The following MAPK6 variants were observed in gnomAD, a reference collection of about 807,000 sequenced individuals.
MAPK6 encodes mitogen-activated protein kinase 6.
MAPK6 carries 19 observed loss-of-function variants against 59.3 expected under a neutral mutation model. The ratio of observed to expected loss-of-function variants is 0.32; its 90% CI spans 0.22 to 0.47. The LOEUF (loss-of-function observed/expected upper bound fraction) is 0.47. MAPK6 is among the 20% of genes least tolerant of loss of function. The pLI, the probability that MAPK6 is intolerant of heterozygous loss-of-function variation, is 1.00. For missense variants in MAPK6, 724 were observed against 847.9 expected (o/e 0.85, Z 1.81); for synonymous variants, 316 against 290.3 (o/e 1.09, Z -0.90).
At chr15:52,016,063 C>T (rs1323672249), upstream of MAPK6, among the ~76,000 whole-genome samples, 17 of 81,278 alleles carry the variant, frequency 2.1e-4, no homozygotes, top group East Asian at 1.1e-3. Flanking sequence ...CGCGCGCGCG[C>T]GCGCGCGCAC....
chr15:52,005,537 A>C (rs2057255873), intron 3 of MAPK6, among the ~76,000 whole-genome samples: 1 of 152,046 alleles, frequency 6.6e-6, no homozygotes, highest in Non-Finnish European at 1.5e-5. Context: ...CAAAAAAAAA[A>C]AAGAGAGAGA....
chr15:51,973,255 A>C (rs1025502645), intron 1 of MAPK6, among the ~76,000 whole-genome samples: 9 of 151,912 alleles, frequency 5.9e-5, no homozygotes, highest in Non-Finnish European at 8.8e-5. Flanking sequence ...TAACCTGAAA[A>C]CTATCTGGAA....
intron 1 of MAPK6, among the ~76,000 whole-genome samples, chr15:51,976,909 C>T (rs1214847368): frequency 6.6e-6 from 1 of 151,644 alleles, no homozygotes; most frequent in Non-Finnish European, 1.5e-5. Context: ...AGCCACTGCT[C>T]TCCAGCCTGG....
intron 1 of MAPK6, among the ~76,000 whole-genome samples, chr15:52,036,572 TCAC>T (rs924746634): frequency 6.6e-6 from 1 of 152,160 alleles, no homozygotes; most frequent in African/African-American, 2.4e-5. Context: ...TGATTAATAA[TCAC>T]CACTTATTAG....
In MAPK6 at chr15:52,046,378, A is replaced by T. The variant is rs2031592970; in HGVS notation, c.-83A>T. The T allele has an allele frequency of 2.9e-6, 3 of 1,036,436 alleles. No homozygotes were observed. Among genetic ancestry groups the T allele is most frequent in the African/African-American group, 3.2e-5 (2 of 62,338 alleles). 64.2% of individuals were successfully genotyped at this position (1,036,436 alleles called of 1,614,324 possible). A position where few individuals can be genotyped will look rare whatever the true frequency, so the allele number is the denominator to read the frequency against. Reference sequence around the variant, plus strand: ...ATTATTTTTCTTCTCCCTTTTTGAAAGATCTTTCCTTTTGATGCCAGTTTT... The same window carrying T: ...ATTATTTTTCTTCTCCCTTTTTGAATGATCTTTCCTTTTGATGCCAGTTTT... On this transcript the variant is annotated 5_prime_UTR_variant, in exon 2 of 6. It adds an upstream start codon to the 5' untranslated region. Transcript: ENST00000261845.
intron 4 of MAPK6, among the ~76,000 whole-genome samples, chr15:52,061,074 G>A (rs28718531): frequency 0.32 from 48,858 of 152,050 alleles, 9,600 homozygotes; most frequent in Non-Finnish European, 0.44. Context: ...TGTAAATCAG[G>A]TAAGTTTTAT....
rs747529399 is a variant in MAPK6 at position 52,064,455 on chromosome 15, C to G, written c.1621C>G (p.His541Asp). The G allele has an allele frequency of 5.0e-6, 8 of 1,610,288 alleles. No homozygotes were observed. The highest frequency in any genetic ancestry group is 1.3e-5 in the African/African-American group (1 of 74,912). ...AGGAACTATTCAGCTTAGTTCCCAGCATGAGCCTACTGATGTTGTTGATAA... is the reference window on the plus strand; with the variant it reads ...AGGAACTATTCAGCTTAGTTCCCAGGATGAGCCTACTGATGTTGTTGATAA... ...IAGTIQLSSQ[H>D]EPTDVVDKLN... Residue 541 changes from histidine (H) to aspartate (D), a missense_variant, in exon 6 of 6, where the codon CAT becomes GAT. Transcript: ENST00000261845.
At chr15:52,049,212 T>A (rs2031697549) in intron 2 of MAPK6, among the ~76,000 whole-genome samples, 1 of 152,158 alleles carries the variant, frequency 6.6e-6, no homozygotes, top group South Asian at 2.1e-4. Context: ...AGGTAGACAT[T>A]GGTTTATAAG....
In MAPK6 at chr15:52,027,349, CAAAAAAA is replaced by C. The variant is rs71130120; in HGVS notation, c.-632+7986_-632+7992del. Reference sequence around the variant, plus strand: ...TGGGTGACAGAGCGAGACTCCCTCTCAAAAAAAAAAAAAAAAAAAGAAAATGCCTGTC... The same window carrying C: ...TGGGTGACAGAGCGAGACTCCCTCTCAAAAAAAAAAAAGAAAATGCCTGTC... On this transcript the variant is annotated intron_variant, in intron 1 of 5. Transcript: ENST00000261845. Among the ~76,000 whole-genome samples, 43 of 49,196 alleles carry C rather than the reference CAAAAAAA, an allele frequency of 8.7e-4. 6 individuals are homozygous for C. In the South Asian group the frequency reaches 9.6e-3, roughly 11 times the overall value. 32.3% of individuals were successfully genotyped at this position (49,196 alleles called of 152,430 possible). A position where few individuals can be genotyped will look rare whatever the true frequency, so the allele number is the denominator to read the frequency against.
chr15:52,016,015 C>T (rs1323468428), upstream of MAPK6, among the ~76,000 whole-genome samples: 5 of 147,946 alleles, frequency 3.4e-5, no homozygotes, highest in African/African-American at 1.2e-4. Context: ...GAGATCCTGC[C>T]ACTGCACTCC....
chr15:52,007,646 T>G (rs2029936668), intron 3 of MAPK6, among the ~76,000 whole-genome samples: 1 of 151,132 alleles, frequency 6.6e-6, no homozygotes, highest in Non-Finnish European at 1.5e-5. Flanking sequence ...AAGGCTGTAG[T>G]GAGCTGTGTT....
At chr15:52,050,867 TAATAATAAACATATTTATGACTA>T (rs2031755874) in intron 3 of MAPK6, among the ~76,000 whole-genome samples, 1 of 151,486 alleles carries the variant, frequency 6.6e-6, no homozygotes, top group African/African-American at 2.4e-5. Flanking sequence ...AGTTGTCAAA[TAATAATAAACATATTTATGACTA>T]GTTAAGATGG....
At chr15:52,042,866 A>T (rs1161932371) in intron 1 of MAPK6, 1 of 152,244 alleles carries the variant, frequency 6.6e-6, no homozygotes, top group Non-Finnish European at 1.5e-5. Context: ...TTTCAGGTAG[A>T]GACTAGAGAT....
intron 1 of MAPK6, among the ~76,000 whole-genome samples, chr15:52,038,561 G>T (rs2031317971): frequency 6.6e-6 from 1 of 152,198 alleles, no homozygotes; most frequent in Admixed American, 6.5e-5. Context: ...GCAAGACTTA[G>T]ATTTTTGGGG....
At chr15:52,058,060 CAG>C (rs1433750627) in intron 3 of MAPK6, among the ~76,000 whole-genome samples, 1 of 152,152 alleles carries the variant, frequency 6.6e-6, no homozygotes, top group African/African-American at 2.4e-5. Context: ...GTTTTTGAGA[CAG>C]GGTCTCACTC....
intron 3 of MAPK6, among the ~76,000 whole-genome samples, chr15:52,051,089 G>A (rs536476283): frequency 2.0e-5 from 3 of 151,346 alleles, no homozygotes; most frequent in African/African-American, 7.3e-5. Flanking sequence ...ACGGAGTCTT[G>A]CTCTGTCACC....
intron 3 of MAPK6, chr15:52,011,423 A>T (rs992824073): frequency 6.6e-6 from 1 of 152,378 alleles, no homozygotes; most frequent in Middle Eastern, 3.4e-3. Context: ...TCTATTGCTG[A>T]AGTGCTGTAT....
chr15:51,978,204 C>T (rs1158485924), intron 1 of MAPK6, among the ~76,000 whole-genome samples: 2 of 151,480 alleles, frequency 1.3e-5, no homozygotes, highest in African/African-American at 4.8e-5. Flanking sequence ...GTAATCTCAG[C>T]TCACTGCAGC....
At chr15:51,998,414 A>G (rs565891832) in intron 2 of MAPK6, among the ~76,000 whole-genome samples, 7 of 151,472 alleles carry the variant, frequency 4.6e-5, no homozygotes, top group African/African-American at 7.3e-5. Context: ...CATGTTGGCC[A>G]GGCTGGTCTT....
Sources: gnomAD v4.1 joint callset for allele counts (sites outside exome capture counted in the v4.1 genomes callset) on GRCh38, gnomAD v4.1.1 for gene constraint, MANE v1.5 for transcripts, NCBI Gene and HGNC (gene_info 2026-07-23, HGNC 2026-07-21) for gene names.